HDLBP: variants seen among roughly 807,000 people sequenced by gnomAD.
HDLBP encodes high density lipoprotein binding protein.
Under a neutral mutation model 137.3 loss-of-function variants are expected in HDLBP, and 30 were observed. That is an observed-to-expected ratio of 0.22 (90% CI 0.16 to 0.30). HDLBP has a LOEUF of 0.30. Ranked by LOEUF, HDLBP falls within the 10% of genes least tolerant of loss-of-function variation. The probability of loss-of-function intolerance (pLI) is 1.00; values close to 1 mark genes in which losing one functional copy is unlikely to be tolerated. For synonymous variants in HDLBP, 606 were observed against 596.0 expected, an observed-to-expected ratio of 1.02 and a Z score of -0.24; for missense variants, 1,119 against 1,667.3, an observed-to-expected ratio of 0.67 and a Z score of 5.73.
At chr2:241,264,735 C>T in intron 3 of HDLBP, 130 bp from the exon 4 acceptor site, 4 of 840,154 alleles carry the variant, frequency 4.8e-6, no homozygotes, top group Non-Finnish European at 7.4e-6. Context: ...ACTCCCCCCA[C>T]CCCTCTCTTC....
At chr2:241,237,715 T>C (rs561856873) in intron 20 of HDLBP, among the ~76,000 whole-genome samples, 51 of 131,362 alleles carry the variant, frequency 3.9e-4, no homozygotes, top group African/African-American at 1.3e-3. Context: ...AAAAATGACA[T>C]TCAGAAAAAA....
intron 16 of HDLBP, 51 bp from the exon 17 acceptor site, chr2:241,242,729 A>G (rs774440354): frequency 1.1e-5 from 16 of 1,442,486 alleles, no homozygotes; most frequent in Non-Finnish European, 1.4e-5. Context: ...TGTGGCAAAA[A>G]GGGCAGAGGA....
At chr2:241,263,804 A>C (rs2073402527) in intron 4 of HDLBP, among the ~76,000 whole-genome samples, 1 of 152,188 alleles carries the variant, frequency 6.6e-6, no homozygotes, top group Non-Finnish European at 1.5e-5. Context: ...AGGATAATGA[A>C]TAGAGAACAG....
chr2:241,312,023 A>G (rs1218462937), intron 1 of HDLBP, among the ~76,000 whole-genome samples: 1 of 152,234 alleles, frequency 6.6e-6, no homozygotes, highest in Non-Finnish European at 1.5e-5. Context: ...AAATCTACTA[A>G]GGCTGAAGTA....
intron 24 of HDLBP, among the ~76,000 whole-genome samples, chr2:241,232,155 T>C (rs1470166968): frequency 1.3e-5 from 2 of 152,078 alleles, no homozygotes; most frequent in Non-Finnish European, 2.9e-5. Flanking sequence ...TGCTGCCAGG[T>C]ACAGAACCTC....
intron 1 of HDLBP, among the ~76,000 whole-genome samples, chr2:241,301,315 T>A (rs1207459230): frequency 6.6e-6 from 1 of 152,042 alleles, no homozygotes; most frequent in Non-Finnish European, 1.5e-5. Flanking sequence ...ACCAATGCTA[T>A]AAGACCACCT....
At chr2:241,247,899 T>C (rs929133128) in intron 14 of HDLBP, 104 bp downstream of exon 14, 5 of 772,674 alleles carry the variant, frequency 6.5e-6, no homozygotes, top group African/African-American at 3.4e-5. Flanking sequence ...GCCTATGTGC[T>C]TTCCCCAGAG....
intron 9 of HDLBP, 104 bp from the exon 10 acceptor site, chr2:241,253,601 G>A (rs1011958829): frequency 5.3e-6 from 4 of 749,598 alleles, no homozygotes; most frequent in African/African-American, 5.2e-5. Context: ...ATCCCAAACT[G>A]CTTCACATAG....
At chr2:241,262,265 G>A (rs931221870) in intron 5 of HDLBP, among the ~76,000 whole-genome samples, 3 of 152,160 alleles carry the variant, frequency 2.0e-5, no homozygotes, top group Admixed American at 6.5e-5. Flanking sequence ...CTTCTTTTAA[G>A]TGTCTCAAAC....
chr2:241,282,502 T>C (rs543101690), intron 1 of HDLBP, among the ~76,000 whole-genome samples: 4 of 152,338 alleles, frequency 2.6e-5, no homozygotes. Flanking sequence ...TGCCCAAAGA[T>C]AGAGGCACAC....
At chr2:241,286,131 C>G (rs566686312) in intron 1 of HDLBP, among the ~76,000 whole-genome samples, 2 of 152,016 alleles carry the variant, frequency 1.3e-5, no homozygotes, top group Non-Finnish European at 2.9e-5. Context: ...AAATCCTAGA[C>G]GACATATTAT....
intron 1 of HDLBP, among the ~76,000 whole-genome samples, chr2:241,303,726 T>C (rs916093493): frequency 6.6e-6 from 1 of 152,224 alleles, no homozygotes; most frequent in Admixed American, 6.5e-5. Flanking sequence ...ACATGAAGCA[T>C]ATCTCTCAGA....
At position 241,240,734 on chromosome 2, in the gene HDLBP, C is replaced by T. The variant is rs770564044; in HGVS notation, c.2170-612G>A. On this transcript the variant is annotated intron_variant, in intron 17 of 27. Transcript: ENST00000310931. The surrounding 1 kb of genome is among the most constrained non-coding windows in gnomAD (Gnocchi z 5.5). ...CGGTCCTCAGAGGCCTCGTGTAGTG[C>T]GACGCCCTTGTGTGGCAGTAAGAAA... Among the ~76,000 whole-genome samples the T allele has an allele frequency of 2.7e-5, 4 of 150,184 alleles. No homozygotes were observed. The highest frequency in any genetic ancestry group is 1.3e-4 in the Admixed American group (2 of 15,212).
At chr2:241,269,217 C>G (rs1326738519) in intron 1 of HDLBP, 2 of 152,158 alleles carry the variant, frequency 1.3e-5, no homozygotes, top group Admixed American at 1.3e-4. Context: ...TTAGGGGACT[C>G]TGGAGATGGG....
chr2:241,284,682 T>G (rs920701070), intron 1 of HDLBP, among the ~76,000 whole-genome samples: 3 of 152,190 alleles, frequency 2.0e-5, no homozygotes, highest in Non-Finnish European at 4.4e-5. Flanking sequence ...TACAGAGAAA[T>G]CTTTTGTGGA....
intron 1 of HDLBP, among the ~76,000 whole-genome samples, chr2:241,269,729 A>C (rs1477472046): frequency 6.6e-6 from 1 of 152,206 alleles, no homozygotes; most frequent in Non-Finnish European, 1.5e-5. Context: ...AAATTTCTCC[A>C]AAGTGTCAGA....
chr2:241,250,982 T>G (rs2149459561), intron 11 of HDLBP: 1 of 152,262 alleles, frequency 6.6e-6, no homozygotes, highest in East Asian at 1.9e-4. Context: ...TATATATGTG[T>G]TTTGAGACAG....
At chr2:241,235,858 G>A (rs917268180) in intron 21 of HDLBP, among the ~76,000 whole-genome samples, 4 of 152,192 alleles carry the variant, frequency 2.6e-5, no homozygotes, top group African/African-American at 4.8e-5. Context: ...TCAGGCCCAC[G>A]TAGGAGGAGA....
At chr2:241,289,634 C>T (rs1290694638) in intron 1 of HDLBP, among the ~76,000 whole-genome samples, 3 of 152,136 alleles carry the variant, frequency 2.0e-5, no homozygotes, top group Non-Finnish European at 4.4e-5. Context: ...CTATTTCCTA[C>T]TATTAGAAAA....
Sources: allele counts gnomAD v4.1 joint callset (sites outside exome capture counted in the v4.1 genomes callset), GRCh38; gene constraint gnomAD v4.1.1; non-coding constraint Gnocchi (gnomAD v3.1); transcripts MANE v1.5; gene names NCBI Gene and HGNC (gene_info 2026-07-23, HGNC 2026-07-21).